Variants in PGAP6 observed in about 807,000 individuals in gnomAD.
PGAP6 encodes post-GPI attachment to proteins factor 6.
Under a neutral mutation model 68.4 loss-of-function variants are expected in PGAP6, and 62 were observed. The observed-to-expected ratio is 0.91, with a 90% CI of 0.74 to 1.12. The LOEUF is 1.12. PGAP6 is among the 50% of genes most tolerant of loss of function. PGAP6 has a pLI of 0.00. For missense variants in PGAP6, 1,188 were observed against 1,068.5 expected, an observed-to-expected ratio of 1.11 and a Z score of -1.56; for synonymous variants, 575 against 474.0, an observed-to-expected ratio of 1.21 and a Z score of -2.77.
chr16:372,501 G>C (rs761261224), intron 12 of PGAP6, 110 bp downstream of exon 12: 4 of 1,015,444 alleles, frequency 3.9e-6, no homozygotes, highest in Non-Finnish European at 6.1e-6. Context: ...ACCCCCAGCA[G>C]ATATGGGCAT....
upstream of PGAP6, among the ~76,000 whole-genome samples, chr16:385,833 C>G (rs1464581676): frequency 1.3e-5 from 2 of 151,594 alleles, no homozygotes; most frequent in Non-Finnish European, 2.9e-5. Flanking sequence ...ACCATGTTAG[C>G]CAGGATGGTC....
In PGAP6 at chr16:376,495, G is replaced by C. The variant is rs772748240; in HGVS notation, c.905-40C>G. On this transcript the variant is annotated intron_variant, in intron 5 of 12. Transcript: ENST00000431232. Reference sequence around the variant, plus strand: ...AGGGGTTTGGCTGGAGGAAAGTCTGGGGATCTGGGGAGGGGCAGGGCCATC... The same window carrying C: ...AGGGGTTTGGCTGGAGGAAAGTCTGCGGATCTGGGGAGGGGCAGGGCCATC... The C allele has an allele frequency of 3.9e-6, 6 of 1,544,894 alleles. No individual in the cohort carries two copies. The East Asian group carries it at 1.4e-4, about 35-fold the overall frequency.
rs1397789260 is a variant in PGAP6, at chr16:374,820, G to A, written c.1512C>T (p.Pro504=). The A allele has an allele frequency of 6.2e-7, 1 of 1,613,014 alleles. No homozygotes were observed. Among genetic ancestry groups the A allele is most frequent in the Admixed American group, 1.7e-5 (1 of 60,018 alleles). The change falls in exon 9 of 13, where the codon CCC becomes CCT. Residue 504 remains proline, a synonymous_variant. Coordinates refer to ENST00000431232, the MANE Select transcript of PGAP6 (RefSeq NM_021259.3). ...YLVPCLNDCG[P]YGQCLLLRRH... ...TGCGGAGCAGGAGGCACTGGCCATA[G>A]GGTCCACAATCGTTCAAACAGGGCA...
chr16:374,146 G>A lies in PGAP6; in HGVS notation c.1761C>T (p.Tyr587=), dbSNP rs1484157181. 1.2e-6 allele frequency: 2 copies of A among 1,610,902 alleles called. No homozygotes were observed. Among genetic ancestry groups the A allele is most frequent in the Admixed American group, 1.7e-5 (1 of 60,014 alleles). ...YAYTMFFSTF[Y]HACDQPGEAV... ...CCTCCCCGGGCTGGTCGCAGGCGTG[G>A]TAGAACTGTGGGGAGGCTCCATGAG... is the stretch of plus-strand genomic sequence containing the variant. Residue 587 remains tyrosine, a synonymous_variant, in exon 11 of 13, where the codon TAC becomes TAT. Coordinates refer to ENST00000431232, the MANE Select transcript of PGAP6 (RefSeq NM_021259.3).
At chr16:379,144 A>AG (rs764674398) in intron 1 of PGAP6, among the ~76,000 whole-genome samples, 14 of 152,136 alleles carry the variant, frequency 9.2e-5, no homozygotes, top group Non-Finnish European at 2.1e-4. Context: ...TGGACACAGC[A>AG]GGGGGCGGGA....
Position 377,685 on chromosome 16 carries a change from G to A in PGAP6, c.285C>T (p.Asp95=), listed in dbSNP as rs371810957. Residue 95 remains aspartate (D), a synonymous_variant, in exon 2 of 13, where the codon GAC becomes GAT. Coordinates refer to ENST00000431232, the MANE Select transcript of PGAP6 (RefSeq NM_021259.3). ...VSRESGAACT[D]AEITVHFRSG... ...CAGCCACCTACACGGTGATCTCCGC[G>A]TCGGTGCAGGCAGCGCCGCTCTCCC... 5.5e-5 allele frequency: 87 copies of A among 1,587,308 alleles called. 1 individual carries two copies. Among genetic ancestry groups the A allele is most frequent in the South Asian group, 3.2e-4 (28 of 87,548 alleles).
At position 377,748 on chromosome 16, in the gene PGAP6, TG is replaced by T. The variant is rs1287775735; in HGVS notation, c.221del (p.Pro74GlnfsTer60). The T allele has an allele frequency of 4.4e-6, 7 of 1,596,406 alleles. No individual in the cohort carries two copies. The highest frequency in any genetic ancestry group is 1.7e-5 in the Admixed American group (1 of 57,394). ...SARLFRFRVP[P>X]DAVLLRWLLQ... ...GGAGCCAGCGTAGAAGCACAGCATC[TG>T]GGGGCACGCGGAAGCGGAAGAGCCT... On this transcript the variant is annotated frameshift_variant, in exon 2 of 13. Transcript: ENST00000431232. LOFTEE classifies it high-confidence loss of function.
intron 1 of PGAP6, among the ~76,000 whole-genome samples, chr16:379,386 C>T (rs1269822146): frequency 6.6e-6 from 1 of 152,222 alleles, no homozygotes; most frequent in East Asian, 1.9e-4. Context: ...CCTGGCGTGG[C>T]GACTGGGCAG....
At position 375,412 on chromosome 16, in the gene PGAP6, G is replaced by C. The variant is rs201636490; in HGVS notation, c.1248C>G (p.Val416=). 1.2e-6 allele frequency: 2 copies of C among 1,612,524 alleles called. No homozygotes were observed. Among genetic ancestry groups the C allele is most frequent in the South Asian group, 1.1e-5 (1 of 91,076 alleles). Residue 416 remains valine (V), a synonymous_variant, in exon 7 of 13, where the codon GTC becomes GTG. Transcript: ENST00000431232. ...ANKTEMRNET[V]VVACVNAASP... Reference sequence around the variant, plus strand: ...AGGCAGCATTCACGCAGGCCACTACGACGGTCTCGTTCCGCATCTCTGTCT... The same window carrying C: ...AGGCAGCATTCACGCAGGCCACTACCACGGTCTCGTTCCGCATCTCTGTCT...
At chr16:379,522 G>C (rs1239042566) in intron 1 of PGAP6, among the ~76,000 whole-genome samples, 2 of 152,244 alleles carry the variant, frequency 1.3e-5, no homozygotes, top group African/African-American at 4.8e-5. Context: ...GGGAGCTGAA[G>C]CAGGACAGCC....
chr16:378,195 C>G (rs2054404482), intron 1 of PGAP6, among the ~76,000 whole-genome samples: 1 of 145,312 alleles, frequency 6.9e-6, no homozygotes, highest in Non-Finnish European at 1.5e-5. Context: ...CCCGCACTGC[C>G]ATCGCCACCC....
At chr16:379,622 G>A (rs1428762571) in intron 1 of PGAP6, among the ~76,000 whole-genome samples, 1 of 152,204 alleles carries the variant, frequency 6.6e-6, no homozygotes, top group Non-Finnish European at 1.5e-5. Context: ...CTGGGCTGCT[G>A]GGGCAAAGCC....
chr16:374,053 G>C lies in PGAP6; in HGVS notation c.1854C>G (p.Ile618Met). ...GTGCCATGCACAGGATGGTGACCCAGATGGCCGCCCCGGAGCCCAAGAAGT... is the reference window on the plus strand; with the variant it reads ...GTGCCATGCACAGGATGGTGACCCACATGGCCGCCCCGGAGCCCAAGAAGT... Reference protein sequence around the residue: ...YCDFLGSGAAIWVTILCMARL... With the variant: ...YCDFLGSGAAMWVTILCMARL... Residue 618 changes from isoleucine (I) to methionine (M), a missense_variant, in exon 11 of 13, where the codon ATC becomes ATG. Physicochemically the swap from Ile to Met is conservative, Grantham distance 10. Coordinates refer to ENST00000431232, the MANE Select transcript of PGAP6 (RefSeq NM_021259.3). 6.2e-7 allele frequency: 1 copy of C among 1,611,924 alleles called. No homozygotes were observed. Among genetic ancestry groups the C allele is most frequent in the African/African-American group, 1.3e-5 (1 of 75,062 alleles).
intron 1 of PGAP6, among the ~76,000 whole-genome samples, chr16:380,974 G>C (rs1044185562): frequency 6.6e-6 from 1 of 152,226 alleles, no homozygotes; most frequent in African/African-American, 2.4e-5. Flanking sequence ...TCTCAGGGTG[G>C]CCAAGGCCTG....
intron 12 of PGAP6, 57 bp downstream of exon 12, chr16:372,554 G>T: frequency 7.3e-7 from 1 of 1,369,874 alleles, no homozygotes; most frequent in Non-Finnish European, 1.0e-6. Context: ...AGAGCAAGGG[G>T]CCAGGCTCTC....
chr16:385,679 C>T (rs380815), upstream of PGAP6, among the ~76,000 whole-genome samples: 3,609 of 115,978 alleles, frequency 0.031, 168 homozygotes, highest in African/African-American at 0.083. Context: ...GGCTGGAGTG[C>T]AGTGGCGCGA....
rs568541117 is a variant in PGAP6, at chr16:376,035, G to C, written c.1224+101C>G. 2.3e-5 allele frequency: 29 copies of C among 1,234,770 alleles called. No homozygotes were observed. In the East Asian group the frequency reaches 6.9e-4, roughly 29 times the overall value. The allele number at this position is 1,234,770 out of a possible 1,614,324, so 76.5% of individuals were successfully genotyped here. On this transcript the variant is annotated intron_variant, in intron 6 of 12. Transcript: ENST00000431232. The stretch of plus-strand genomic sequence containing the variant: ...TTGGCCCGTGCCTGCTGGTGTCACT[G>C]TGCCGCCTGTCCCGTGCCAAGGTAA...
At chr16:380,644 G>C (rs138491856) in intron 1 of PGAP6, among the ~76,000 whole-genome samples, 161 of 152,352 alleles carry the variant, frequency 1.1e-3, no homozygotes, top group African/African-American at 3.7e-3. Flanking sequence ...GGGATTGCAG[G>C]CGTGAGCTTC....
chr16:373,135 C>T (rs185557663), intron 11 of PGAP6, among the ~76,000 whole-genome samples: 59 of 152,368 alleles, frequency 3.9e-4, no homozygotes, highest in African/African-American at 1.3e-3. Flanking sequence ...TCAGACACCT[C>T]TGCCCACAGC....
Sources: gnomAD v4.1 joint callset for allele counts (sites outside exome capture counted in the v4.1 genomes callset) on GRCh38, gnomAD v4.1.1 for gene constraint, MANE v1.5 for transcripts, NCBI Gene and HGNC (gene_info 2026-07-23, HGNC 2026-07-21) for gene names.